IGF2BP1: variants seen among roughly 807,000 people sequenced by gnomAD.
IGF2BP1 encodes insulin like growth factor 2 mRNA binding protein 1, also known as insulin-like growth factor 2 mRNA-binding protein 1.
Under a neutral mutation model 74.9 loss-of-function variants are expected in IGF2BP1, and 11 were observed. The ratio of observed to expected loss-of-function variants is 0.15; its 90% CI spans 0.09 to 0.24. The LOEUF is 0.24. Among genes scored for constraint, IGF2BP1 ranks in the 10% least tolerant of loss-of-function variants. The pLI, the probability that IGF2BP1 is intolerant of heterozygous loss-of-function variation, is 1.00. For missense variants in IGF2BP1, 440 were observed against 757.4 expected, an observed-to-expected ratio of 0.58 and a Z score of 4.92; for synonymous variants, 287 against 281.8, an observed-to-expected ratio of 1.02 and a Z score of -0.18.
intron 1 of IGF2BP1, 41 bp from the exon 2 acceptor site, chr17:48,999,066 CCT>C: frequency 8.2e-7 from 1 of 1,213,346 alleles, no homozygotes; most frequent in African/African-American, 1.5e-5. Context: ...ACCCCCAACC[CCT>C]GTTCAAGCTC....
rs759173593 is a variant in IGF2BP1 at position 49,049,661 on chromosome 17, G to A, written c.*217G>A. 3.3e-5 allele frequency: 17 copies of A among 508,654 alleles called. No individual in the cohort carries two copies. The highest frequency in any genetic ancestry group is 5.6e-5 in the Non-Finnish European group (16 of 283,930). The allele number at this position is 508,654 out of a possible 1,614,324, so 31.5% of individuals were successfully genotyped here. A position where few individuals can be genotyped will look rare whatever the true frequency, so the allele number is the denominator to read the frequency against. On this transcript the variant is annotated 3_prime_UTR_variant, in exon 15 of 15. Transcript: ENST00000290341. Reference sequence around the variant, plus strand: ...ATTGGCCCAACACTGTCTGCCCCTCGGGGTGTCAGAAATTCTAGCGCAAGG... The same window carrying A: ...ATTGGCCCAACACTGTCTGCCCCTCAGGGTGTCAGAAATTCTAGCGCAAGG...
intron 2 of IGF2BP1, among the ~76,000 whole-genome samples, chr17:49,021,435 T>C (rs961963038): frequency 1.3e-5 from 2 of 152,174 alleles, no homozygotes; most frequent in African/African-American, 4.8e-5. Flanking sequence ...GTGGCTCTTA[T>C]GCCTCCTCCT....
In IGF2BP1 at chr17:49,043,523, T is replaced by C; in HGVS notation, c.1173T>C (p.Thr391=). 1 of 1,614,168 alleles carries C rather than the reference T, an allele frequency of 6.2e-7. No homozygotes were observed. Among genetic ancestry groups the C allele is most frequent in the Non-Finnish European group, 8.5e-7 (1 of 1,180,002 alleles). The change falls in exon 10 of 15, where the codon ACT becomes ACC. Residue 391 remains threonine, a synonymous_variant. Coordinates refer to ENST00000290341, the MANE Select transcript of IGF2BP1 (RefSeq NM_006546.4). ...SAVPPPPSSV[T]GAAPYSSFMQ... ...TCCCGCCGCCTCCCAGCAGCGTTAC[T>C]GGGGCTGCTCCCTATAGCTCCTTTA...
upstream of IGF2BP1, among the ~76,000 whole-genome samples, chr17:48,996,721 G>A (rs1191671923): frequency 6.6e-6 from 1 of 152,144 alleles, no homozygotes; most frequent in Non-Finnish European, 1.5e-5. Context: ...CTCCCGTGGG[G>A]ATCTCAAAAC....
At chr17:49,005,121 C>T (rs2041534984) in intron 2 of IGF2BP1, among the ~76,000 whole-genome samples, 1 of 152,208 alleles carries the variant, frequency 6.6e-6, no homozygotes, top group South Asian at 2.1e-4. Flanking sequence ...CTGCTTACTA[C>T]CTTGCAGCAC....
In IGF2BP1 at chr17:49,030,386, C is replaced by T. The variant is rs375942652; in HGVS notation, c.338-1524C>T. On this transcript the variant is annotated intron_variant, in intron 4 of 14. Coordinates refer to ENST00000290341, the MANE Select transcript of IGF2BP1 (RefSeq NM_006546.4). ...TGAACTCCTGACCTCAAGTGATCCA[C>T]CTGCCTCAGCCTCCTGAAGTGCTGG... is the stretch of plus-strand genomic sequence containing the variant. 3.0e-3 allele frequency among the ~76,000 whole-genome samples: 451 copies of T among 152,254 alleles called. 2 individuals carry two copies. Among genetic ancestry groups the T allele is most frequent in the African/African-American group, 0.01 (431 of 41,562 alleles).
At chr17:49,040,147 C>A in intron 7 of IGF2BP1, 56 bp downstream of exon 7, 1 of 1,587,816 alleles carries the variant, frequency 6.3e-7, no homozygotes, top group Non-Finnish European at 8.6e-7. Context: ...TTGAGCCTCC[C>A]CAACTCAACT....
chr17:49,029,104 C>G (rs934359279), intron 4 of IGF2BP1, among the ~76,000 whole-genome samples: 1 of 152,182 alleles, frequency 6.6e-6, no homozygotes, highest in African/African-American at 2.4e-5. Context: ...CGCACCTGGC[C>G]TCATCTGATT....
rs2042183531 is a variant in IGF2BP1 at position 49,052,898 on chromosome 17, C to T, written c.*3454C>T. On this transcript the variant is annotated 3_prime_UTR_variant, in exon 15 of 15. Transcript: ENST00000290341. ...TCTCTTTAGGATATATTTTTAAATT[C>T]TTTGAAACACATAACCAAAATGGTT... 6.6e-6 allele frequency: 1 copy of T among 152,210 alleles called. No individual in the cohort carries two copies. Among genetic ancestry groups the T allele is most frequent in the South Asian group, 2.1e-4 (1 of 4,830 alleles). The allele number at this position is 152,210 out of a possible 1,614,324, so 9.4% of individuals were successfully genotyped here.
Position 49,055,478 on chromosome 17 carries a change from G to A in IGF2BP1, c.*6034G>A, listed in dbSNP as rs2042217524. The A allele has an allele frequency of 2.6e-6, 1 of 382,990 alleles. No homozygotes were observed. Among genetic ancestry groups the A allele is most frequent in the Admixed American group, 4.5e-5 (1 of 22,222 alleles). The allele number at this position is 382,990 out of a possible 1,614,324, so 23.7% of individuals were successfully genotyped here. ...AAGCTCCCCCAGGAATAAAGGCTTT[G>A]TTTTGGGGATGCTTAAATCTTGACT... On this transcript the variant is annotated 3_prime_UTR_variant, in exon 15 of 15. Transcript: ENST00000290341.
At chr17:49,027,611 G>C (rs896572716) in intron 4 of IGF2BP1, among the ~76,000 whole-genome samples, 4 of 152,066 alleles carry the variant, frequency 2.6e-5, no homozygotes, top group African/African-American at 9.7e-5. Flanking sequence ...CCAGCACTTT[G>C]GGAGGCCGAG....
chr17:49,051,705 A>G lies in IGF2BP1; in HGVS notation c.*2261A>G, dbSNP rs1454066684. The G allele has an allele frequency of 6.6e-6, 1 of 152,134 alleles. No homozygotes were observed. The highest frequency in any genetic ancestry group is 1.5e-5 in the Non-Finnish European group (1 of 68,018). The allele number at this position is 152,134 out of a possible 1,614,324, so 9.4% of individuals were successfully genotyped here. A position where few individuals can be genotyped will look rare whatever the true frequency, so the allele number is the denominator to read the frequency against. ...GAGAGAAATAATAACTAAAAAATAT[A>G]CCCTTTAAAAAAACCTATATTTCTC... On this transcript the variant is annotated 3_prime_UTR_variant, in exon 15 of 15. Transcript: ENST00000290341.
rs1208313048 is a variant in IGF2BP1, at chr17:49,049,451, C to T, written c.*7C>T. ...CCAGGCACGGAGGAAGTGACCAGCC[C>T]CTCCCTGTCCCTTCGAGTCCAGGAC... On this transcript the variant is annotated 3_prime_UTR_variant, in exon 15 of 15. Transcript: ENST00000290341. 2 of 1,611,526 alleles carry T rather than the reference C, an allele frequency of 1.2e-6. No homozygotes were observed. Among genetic ancestry groups the T allele is most frequent in the Non-Finnish European group, 1.7e-6 (2 of 1,177,776 alleles).
In IGF2BP1 at chr17:48,997,538, C is replaced by T. The variant is rs1393016283; in HGVS notation, c.-208C>T. On this transcript the variant is annotated 5_prime_UTR_variant, in exon 1 of 15. Coordinates refer to ENST00000290341, the MANE Select transcript of IGF2BP1 (RefSeq NM_006546.4). The surrounding 1 kb of genome is among the most constrained non-coding windows in gnomAD (Gnocchi z 4.8). ...TCCCTGCGCGCCGCGGGCACTTCTC[C>T]TGGGCTCTCCCCGAACTCTCCCGCG... The T allele has an allele frequency of 8.7e-6, 5 of 576,150 alleles. No individual in the cohort carries two copies. Among genetic ancestry groups the T allele is most frequent in the African/African-American group, 7.7e-5 (4 of 52,118 alleles). 35.7% of individuals were successfully genotyped at this position (576,150 alleles called of 1,614,324 possible). A position where few individuals can be genotyped will look rare whatever the true frequency, so the allele number is the denominator to read the frequency against.
chr17:49,021,047 G>A (rs1431110054), intron 2 of IGF2BP1, among the ~76,000 whole-genome samples: 1 of 151,908 alleles, frequency 6.6e-6, no homozygotes, highest in Non-Finnish European at 1.5e-5. Context: ...GGGGGCTGAG[G>A]TGGGAGGACC....
intron 5 of IGF2BP1, 33 bp downstream of exon 5, chr17:49,032,006 T>TGGGGGGGGGGATGGGGGGGGGGGGGGGGG: frequency 1.1e-6 from 1 of 899,374 alleles, no homozygotes; most frequent in Non-Finnish European, 1.8e-6. Context: ...CTGGGTGCGG[T>TGGGGGGGGGGATGGGGGGGGGGGGGGGGG]GGGGGGGGGT....
At chr17:49,006,672 T>C (rs1026938559) in intron 2 of IGF2BP1, among the ~76,000 whole-genome samples, 1 of 152,222 alleles carries the variant, frequency 6.6e-6, no homozygotes, top group Non-Finnish European at 1.5e-5. Context: ...TTGAACTGTG[T>C]GTGTGTCAGC....
At chr17:49,009,814 T>C (rs1218375681) in intron 2 of IGF2BP1, among the ~76,000 whole-genome samples, 4 of 152,010 alleles carry the variant, frequency 2.6e-5, no homozygotes, top group African/African-American at 4.8e-5. Context: ...GCGCGGTTGC[T>C]CACACCTGTA....
intron 6 of IGF2BP1, among the ~76,000 whole-genome samples, chr17:49,039,361 A>G (rs2042024089): frequency 6.6e-6 from 1 of 152,098 alleles, no homozygotes; most frequent in Non-Finnish European, 1.5e-5. Flanking sequence ...TGGGCTGGTA[A>G]TTCCCACCCC....
Sources: gnomAD v4.1 joint callset for allele counts (sites outside exome capture counted in the v4.1 genomes callset) on GRCh38, gnomAD v4.1.1 for gene constraint, Gnocchi (gnomAD v3.1) non-coding constraint, MANE v1.5 for transcripts, NCBI Gene and HGNC (gene_info 2026-07-23, HGNC 2026-07-21) for gene names.